Variants in CACNA1A observed in about 807,000 individuals in gnomAD.
CACNA1A encodes voltage-dependent P/Q-type calcium channel subunit alpha-1A.
Under a neutral mutation model 262.4 loss-of-function variants are expected in CACNA1A, and 57 were observed. The ratio of observed to expected loss-of-function variants is 0.22; its 90% CI spans 0.18 to 0.27. The LOEUF is 0.27. Ranked by LOEUF, CACNA1A falls within the 10% of genes least tolerant of loss-of-function variation. CACNA1A has a pLI of 1.00. For synonymous variants in CACNA1A, 1,431 were observed against 1,419.3 expected (o/e 1.01, Z -0.18); for missense variants, 2,526 against 3,562.8 (o/e 0.71, Z 7.41).
intron 3 of CACNA1A, among the ~76,000 whole-genome samples, chr19:13,386,161 AAAAAAAAG>A (rs1171346562): frequency 6.8e-6 from 1 of 146,132 alleles, no homozygotes. Context: ...TTAAAAAAAA[AAAAAAAAG>A]AAGAAGAAGA....
chr19:13,414,749 G>A (rs1172790999), intron 3 of CACNA1A, among the ~76,000 whole-genome samples: 3 of 152,008 alleles, frequency 2.0e-5, no homozygotes. Context: ...CTTGAGCCCA[G>A]GAGTTAGAGA....
At chr19:13,311,706 G>A (rs551574649) in intron 12 of CACNA1A, among the ~76,000 whole-genome samples, 11 of 152,026 alleles carry the variant, frequency 7.2e-5, no homozygotes, top group South Asian at 2.1e-4. Context: ...GTATGATGGC[G>A]GGCACCTGTA....
chr19:13,227,381 GAAA>G (rs761725528), intron 37 of CACNA1A, 47 bp downstream of exon 37: 27 of 573,680 alleles, frequency 4.7e-5, no homozygotes, highest in Middle Eastern at 3.8e-4. Context: ...AGAAGAAGAA[GAAA>G]AAAAAACCCA....
chr19:13,398,890 A>G (rs1305507664), intron 3 of CACNA1A, among the ~76,000 whole-genome samples: 2 of 152,224 alleles, frequency 1.3e-5, no homozygotes, highest in Admixed American at 6.5e-5. Flanking sequence ...TGCCCCTGCA[A>G]TAGGCTCTGA....
Position 13,259,683 on chromosome 19 carries a change from G to A in CACNA1A, c.4269C>T (p.Tyr1423=), listed in dbSNP as rs761928063. ...EKDCRGKYLL[Y]EKNEVKARDR... ...CTCGCGCCTTCACCTCATTCTTCTC[G>A]TAGAGGAGGTATTTGCCTCTGCCAC... The change falls in exon 27 of 47, where the codon TAC becomes TAT. Residue 1423 remains tyrosine (Y), a synonymous_variant. Coordinates refer to ENST00000360228, the MANE Select transcript of CACNA1A (RefSeq NM_001127222.2). 5.0e-6 allele frequency: 8 copies of A among 1,611,036 alleles called. No individual in the cohort carries two copies. The highest frequency in any genetic ancestry group is 2.7e-5 in the African/African-American group (2 of 74,864).
At chr19:13,350,802 G>A (rs535602698) in intron 6 of CACNA1A, among the ~76,000 whole-genome samples, 23 of 152,254 alleles carry the variant, frequency 1.5e-4, no homozygotes, top group African/African-American at 5.1e-4. Flanking sequence ...CCAGTAGCTC[G>A]AGGACAGCGT....
At chr19:13,402,849 T>TATATATAC (rs2059926593) in intron 3 of CACNA1A, among the ~76,000 whole-genome samples, 1 of 68,566 alleles carries the variant, frequency 1.5e-5, no homozygotes, top group East Asian at 4.2e-4. Context: ...TATATACACA[T>TATATATAC]ATATATATAC....
At chr19:13,452,397 G>T (rs566448362) in intron 3 of CACNA1A, 1 of 152,416 alleles carries the variant, frequency 6.6e-6, no homozygotes. Flanking sequence ...CATTCACCAA[G>T]TTGAAATAAA....
rs749172043 is a variant in CACNA1A at position 13,209,437 on chromosome 19, C to T, written c.6401G>A (p.Arg2134His). 6.5e-6 allele frequency: 9 copies of T among 1,380,466 alleles called. No individual in the cohort carries two copies. The highest frequency in any genetic ancestry group is 1.5e-5 in the African/African-American group (1 of 67,128). The allele number at this position is 1,380,466 out of a possible 1,614,324, so 85.5% of individuals were successfully genotyped here. ...CCGCTCCAGCGAGTAATCGTCCAGG[C>T]GTCGGGCCTTGGGGCCCAGCACGGA... ...SASVLGPKAR[R>H]LDDYSLERVP... Residue 2134 changes from arginine to histidine, a missense_variant, in exon 45 of 47, where the codon CGC becomes CAC. Arg to His is a conservative substitution (Grantham distance 29, BLOSUM62 0). This residue lies in a region of CACNA1A where 929 missense variants were observed against 868.1 expected (regional missense o/e 1.07). Transcript: ENST00000360228.
chr19:13,374,543 C>T (rs2059373991), intron 3 of CACNA1A, among the ~76,000 whole-genome samples: 1 of 152,130 alleles, frequency 6.6e-6, no homozygotes, highest in African/African-American at 2.4e-5. Context: ...AGCTACTGCA[C>T]TTGGCCCATT....
rs181990238 is a variant in CACNA1A, at chr19:13,389,242, C to T, written c.540-17463G>A. Reference sequence around the variant, plus strand: ...AAAAGCCCCATCCCGTAGTATCTGTCGGATATGCGGTCTGGAGCTCTCACT... The same window carrying T: ...AAAAGCCCCATCCCGTAGTATCTGTTGGATATGCGGTCTGGAGCTCTCACT... On this transcript the variant is annotated intron_variant, in intron 3 of 46. Coordinates refer to ENST00000360228, the MANE Select transcript of CACNA1A (RefSeq NM_001127222.2). 2.5e-3 allele frequency among the ~76,000 whole-genome samples: 375 copies of T among 152,252 alleles called. 2 individuals carry two copies. The highest frequency in any genetic ancestry group is 8.1e-3 in the African/African-American group (338 of 41,548).
At chr19:13,423,400 T>C (rs2060348414) in intron 3 of CACNA1A, among the ~76,000 whole-genome samples, 1 of 152,196 alleles carries the variant, frequency 6.6e-6, no homozygotes, top group Non-Finnish European at 1.5e-5. Context: ...GAGATTAAGT[T>C]GATGAAGCTT....
intron 19 of CACNA1A, among the ~76,000 whole-genome samples, chr19:13,291,633 T>TAAA (rs3981952): frequency 0.042 from 4,116 of 97,230 alleles, 107 homozygotes; most frequent in East Asian, 0.11. Flanking sequence ...ACCCCATCTC[T>TAAA]AAAAAAAAAA....
At chr19:13,420,355 C>T (rs564102074) in intron 3 of CACNA1A, among the ~76,000 whole-genome samples, 18 of 151,806 alleles carry the variant, frequency 1.2e-4, no homozygotes, top group African/African-American at 4.1e-4. Flanking sequence ...TCGTGTTTAC[C>T]GAAACCTCAG....
At chr19:13,287,194 A>G (rs984045558) in intron 19 of CACNA1A, among the ~76,000 whole-genome samples, 2 of 152,022 alleles carry the variant, frequency 1.3e-5, no homozygotes, top group African/African-American at 4.8e-5. Flanking sequence ...TCTACAAAAA[A>G]TGTGTAAATT....
chr19:13,285,537 G>A (rs1467128866), intron 20 of CACNA1A, among the ~76,000 whole-genome samples: 7 of 151,912 alleles, frequency 4.6e-5, no homozygotes, highest in South Asian at 2.1e-4. Context: ...CCTTGAGTGC[G>A]GTGGGGCCCT....
intron 1 of CACNA1A, among the ~76,000 whole-genome samples, chr19:13,503,987 A>C (rs1293743705): frequency 6.6e-6 from 1 of 151,978 alleles, no homozygotes; most frequent in Non-Finnish European, 1.5e-5. Context: ...GGCTGGACAG[A>C]GGTAAGCTAA....
intron 3 of CACNA1A, among the ~76,000 whole-genome samples, chr19:13,415,234 C>T (rs1005326295): frequency 6.6e-6 from 1 of 151,602 alleles, no homozygotes; most frequent in South Asian, 2.1e-4. Flanking sequence ...GTGTGTGCGG[C>T]GCGGAATAGA....
intron 10 of CACNA1A, among the ~76,000 whole-genome samples, chr19:13,320,237 C>CGAGAGAGAGA (rs146095824): frequency 0.093 from 11,846 of 126,804 alleles, 930 homozygotes; most frequent in East Asian, 0.24. Context: ...TTCCACAGAT[C>CGAGAGAGAGA]GAGAGAGAGA....
Sources: allele counts gnomAD v4.1 joint callset (sites outside exome capture counted in the v4.1 genomes callset), GRCh38; gene constraint gnomAD v4.1.1; regional missense constraint gnomAD v4.1.1; transcripts MANE v1.5; gene names NCBI Gene and HGNC (gene_info 2026-07-23, HGNC 2026-07-21).